Variants in SMG5 observed in about 807,000 individuals in gnomAD.
SMG5 encodes SMG5 nonsense mediated mRNA decay factor.
SMG5 carries 53 observed loss-of-function variants against 122.9 expected under a neutral mutation model. That is an observed-to-expected ratio of 0.43 (90% confidence interval 0.35 to 0.54). SMG5 has a LOEUF of 0.54. Among genes scored for constraint, SMG5 ranks in the 20% least tolerant of loss-of-function variants. The probability of loss-of-function intolerance (pLI) is 0.01; values close to 1 mark genes in which losing one functional copy is unlikely to be tolerated. For missense variants in SMG5, 1,153 were observed against 1,285.6 expected, an observed-to-expected ratio of 0.90 and a Z score of 1.58; for synonymous variants, 477 against 490.2, an observed-to-expected ratio of 0.97 and a Z score of 0.35.
chr1:156,251,304 G>T, intron 20 of SMG5, 99 bp downstream of exon 20: 1 of 1,396,314 alleles, frequency 7.2e-7, no homozygotes, highest in Non-Finnish European at 1.0e-6. Flanking sequence ...TACGTGTGGA[G>T]CCTCAGAATT....
chr1:156,286,289 T>C (rs761409013), upstream of SMG5: 31 of 1,614,250 alleles, frequency 1.9e-5, no homozygotes, highest in East Asian at 3.6e-4. Context: ...GAGCCTGTTA[T>C]GCTTTTCTGC....
chr1:156,285,736 T>G (rs1663133864), upstream of SMG5: 1 of 1,613,192 alleles, frequency 6.2e-7, no homozygotes, highest in African/African-American at 1.3e-5. Context: ...CCGACCCCAC[T>G]GAGCGCAAGT....
At chr1:156,251,654 C>A (rs1661362771) in intron 19 of SMG5, among the ~76,000 whole-genome samples, 177 bp from the exon 20 acceptor site, 1 of 152,132 alleles carries the variant, frequency 6.6e-6, no homozygotes, top group Admixed American at 6.6e-5. Flanking sequence ...GGGCCCAGCT[C>A]ACTTTTCCTC....
upstream of SMG5, chr1:156,285,921 T>A (rs748916173): frequency 1.4e-5 from 21 of 1,518,712 alleles, no homozygotes; most frequent in Non-Finnish European, 1.6e-5. Flanking sequence ...CTGCCCACCA[T>A]GAGTTCCCGC....
Position 156,277,159 on chromosome 1 carries a change from A to T in SMG5, c.380T>A (p.Leu127His). 2 of 1,614,018 alleles carry T rather than the reference A, an allele frequency of 1.2e-6. No homozygotes were observed. The highest frequency in any genetic ancestry group is 1.7e-6 in the Non-Finnish European group (2 of 1,179,972). The change falls in exon 4 of 22, where the codon CTC (leucine) becomes CAC (histidine). Residue 127 changes from leucine (L) to histidine (H), a missense_variant. By Grantham distance (99) the Leu-to-His change is moderately conservative. Coordinates refer to ENST00000361813, the MANE Select transcript of SMG5 (RefSeq NM_015327.3). ...AGIGFYQHLL[L>H]YIQSHYQLEL... ...CAGCTGGTAGTGGGACTGGATATAG[A>T]GAAGGAGATGCTGGTAGAAGCCAAT...
chr1:156,283,347 A>T (rs1025460032), upstream of SMG5, among the ~76,000 whole-genome samples: 1 of 152,234 alleles, frequency 6.6e-6, no homozygotes, highest in Non-Finnish European at 1.5e-5. Context: ...TCCAGCTTGC[A>T]TATCTATCTC....
At chr1:156,268,641 C>T (rs1185166251) in intron 7 of SMG5, among the ~76,000 whole-genome samples, 1 of 152,194 alleles carries the variant, frequency 6.6e-6, no homozygotes, top group African/African-American at 2.4e-5. Flanking sequence ...TGCTTTGTAT[C>T]TAGAAAGGAG....
intron 16 of SMG5, among the ~76,000 whole-genome samples, chr1:156,256,867 C>T (rs1054041196): frequency 6.6e-6 from 1 of 151,990 alleles, no homozygotes; most frequent in African/African-American, 2.4e-5. Context: ...GCTCTACCAC[C>T]GACTATACTT....
At chr1:156,269,160 G>A (rs1337233603) in intron 7 of SMG5, among the ~76,000 whole-genome samples, 1 of 152,050 alleles carries the variant, frequency 6.6e-6, no homozygotes, top group Non-Finnish European at 1.5e-5. Flanking sequence ...AGTAGAGACG[G>A]GGTTTCACCA....
intron 20 of SMG5, 46 bp downstream of exon 20, chr1:156,251,357 C>T: frequency 1.2e-6 from 2 of 1,602,454 alleles, no homozygotes; most frequent in African/African-American, 2.7e-5. Flanking sequence ...CGTGGAGGAG[C>T]AAGGCAGGTG....
upstream of SMG5, among the ~76,000 whole-genome samples, chr1:156,284,037 T>G (rs1421462781): frequency 6.6e-6 from 1 of 152,252 alleles, no homozygotes; most frequent in African/African-American, 2.4e-5. Context: ...AAATTCCATT[T>G]CTGGGTATCC....
At chr1:156,277,002 G>T in intron 4 of SMG5, 83 bp downstream of exon 4, 1 of 1,431,118 alleles carries the variant, frequency 7.0e-7, no homozygotes, top group Non-Finnish European at 9.5e-7. Context: ...TGGCTGGGTC[G>T]CAAGCTACAT....
chr1:156,267,449 G>A (rs1662200852), intron 10 of SMG5, 21 bp downstream of exon 10: 1 of 1,611,114 alleles, frequency 6.2e-7, no homozygotes, highest in African/African-American at 1.3e-5. Flanking sequence ...GAAGAGAAAA[G>A]AGGAACATAG....
intron 14 of SMG5, 103 bp downstream of exon 14, chr1:156,261,230 T>C (rs1382174932): frequency 1.8e-6 from 2 of 1,138,644 alleles, no homozygotes; most frequent in Non-Finnish European, 2.7e-6. Context: ...GTGAATCCCA[T>C]TAACCTCCTT....
At chr1:156,266,465 G>A (rs925677443) in intron 11 of SMG5, 76 bp downstream of exon 11, 22 of 1,606,606 alleles carry the variant, frequency 1.4e-5, no homozygotes, top group East Asian at 4.5e-5. Flanking sequence ...CACTTCCCCC[G>A]AGTCTGTGTT....
upstream of SMG5, chr1:156,285,877 G>A (rs1240490459): frequency 6.2e-7 from 1 of 1,613,720 alleles, no homozygotes; most frequent in African/African-American, 1.3e-5. Context: ...TACTATACGG[G>A]GCATATGCCT....
At chr1:156,261,522 G>A in intron 13 of SMG5, 114 bp from the exon 14 acceptor site, 1 of 791,356 alleles carries the variant, frequency 1.3e-6, no homozygotes, top group South Asian at 1.6e-5. Context: ...GGCCTGTGGG[G>A]GTTTGATTTT....
upstream of SMG5, among the ~76,000 whole-genome samples, chr1:156,284,735 G>A (rs1357375609): frequency 6.6e-6 from 1 of 152,172 alleles, no homozygotes; most frequent in Non-Finnish European, 1.5e-5. Context: ...GTTCCAAGCA[G>A]GGATGTGTAG....
Position 156,268,156 on chromosome 1 carries a change from C to T in SMG5, c.867G>A (p.Val289=), listed in dbSNP as rs1156494784. The change falls in exon 9 of 22, where the codon GTG becomes GTA. Residue 289 remains valine (V), a synonymous_variant. Transcript: ENST00000361813. The part of the protein sequence containing the change: ...KRCKDIKRLL[V]NFMYLQSLLQ... ...GGAGGCTTTGCAGATACATAAAGTTCACTAGCAACCTTTTAATGTCTTTAC... is the reference window on the plus strand; with the variant it reads ...GGAGGCTTTGCAGATACATAAAGTTTACTAGCAACCTTTTAATGTCTTTAC... 2 of 1,614,158 alleles carry T rather than the reference C, an allele frequency of 1.2e-6. No homozygotes were observed. Among genetic ancestry groups the T allele is most frequent in the Admixed American group, 1.7e-5 (1 of 60,020 alleles).
Sources: gnomAD v4.1 joint callset for allele counts (sites outside exome capture counted in the v4.1 genomes callset) on GRCh38, gnomAD v4.1.1 for gene constraint, MANE v1.5 for transcripts, NCBI Gene and HGNC (gene_info 2026-07-23, HGNC 2026-07-21) for gene names.